The following PGLYRP2 variants were observed in gnomAD, a reference collection of about 807,000 sequenced individuals.
The protein encoded by PGLYRP2 is N-acetylmuramoyl-L-alanine amidase.
Under a neutral mutation model 46.2 loss-of-function variants are expected in PGLYRP2, and 38 were observed. The ratio of observed to expected loss-of-function variants is 0.82; its 90% confidence interval spans 0.64 to 1.08. The LOEUF (loss-of-function observed/expected upper bound fraction) is 1.08, where lower values mean the gene tolerates loss of function less well. PGLYRP2 is among the 50% of genes least tolerant of loss of function. PGLYRP2 has a pLI of 0.00. For synonymous variants in PGLYRP2, 289 were observed against 329.4 expected (o/e 0.88, Z 1.33); for missense variants, 713 against 755.9 (o/e 0.94, Z 0.67).
rs767383910 is a variant in PGLYRP2 at position 15,469,660 on chromosome 19, A to G, written c.1613T>C (p.Leu538Pro). The change falls in exon 4 of 5, where the codon CTG becomes CCG. Residue 538 changes from leucine to proline, a missense_variant. By Grantham distance (98) the Leu-to-Pro change is moderately conservative. Coordinates refer to ENST00000340880, the MANE Select transcript of PGLYRP2 (RefSeq NM_052890.4). The surrounding 1 kb of genome is among the most constrained non-coding windows in gnomAD (Gnocchi z 4.9). ...TDCPGDALFD[L>P]LRTWPHFTAT... ...GGTGAAGTGCGGCCAGGTGCGCAGC[A>G]GGTCGAAGAGCGCGTCGCCGGGGCA... 6 of 1,556,304 alleles carry G rather than the reference A, an allele frequency of 3.9e-6. No homozygotes were observed. The South Asian group carries it at 7.0e-5, about 18-fold the overall frequency.
chr19:15,476,764 T>A (rs1241666005), intron 1 of PGLYRP2, among the ~76,000 whole-genome samples, 156 bp from the exon 2 acceptor site: 1 of 144,680 alleles, frequency 6.9e-6, no homozygotes, highest in Non-Finnish European at 1.5e-5. Flanking sequence ...GTACACAGAC[T>A]ATTGCCTGTT....
At chr19:15,479,127 G>C (rs986446941) in intron 1 of PGLYRP2, among the ~76,000 whole-genome samples, 184 bp downstream of exon 1, 3 of 152,118 alleles carry the variant, frequency 2.0e-5, no homozygotes, top group Non-Finnish European at 4.4e-5. Context: ...CCAGGCCCCA[G>C]ATTCCTTCCC....
chr19:15,476,186 C>G lies in PGLYRP2; in HGVS notation c.484G>C (p.Ala162Pro). ...GDTFPDVVAI[A>P]PDVRATSSPG... Reference sequence around the variant, plus strand: ...GAGGAGGTGGCTCTTACATCTGGAGCAATGGCCACAACATCTGGAAAGGTA... The same window carrying G: ...GAGGAGGTGGCTCTTACATCTGGAGGAATGGCCACAACATCTGGAAAGGTA... Residue 162 changes from alanine (A) to proline (P), a missense_variant, in exon 2 of 5, where the codon GCT (alanine) becomes CCT (proline). Ala to Pro is a conservative substitution (Grantham distance 27, BLOSUM62 -1). Coordinates refer to ENST00000340880, the MANE Select transcript of PGLYRP2 (RefSeq NM_052890.4). 1.2e-6 allele frequency: 2 copies of G among 1,614,164 alleles called. No individual in the cohort carries two copies. The highest frequency in any genetic ancestry group is 1.7e-6 in the Non-Finnish European group (2 of 1,180,022).
chr19:15,477,347 T>G (rs1444480476), intron 1 of PGLYRP2, among the ~76,000 whole-genome samples: 1 of 131,118 alleles, frequency 7.6e-6, no homozygotes, highest in Non-Finnish European at 1.6e-5. Context: ...GAGCCGAGAT[T>G]GCGCCACTGC....
At chr19:15,478,286 G>T (rs1234870975) in intron 1 of PGLYRP2, among the ~76,000 whole-genome samples, 2 of 152,150 alleles carry the variant, frequency 1.3e-5, no homozygotes, top group African/African-American at 4.8e-5. Context: ...GGTGGAGGTT[G>T]CAGTGAGCTG....
rs1970791727 is a variant in PGLYRP2 at position 15,476,008 on chromosome 19, A to C, written c.662T>G (p.Val221Gly). 1 of 1,614,150 alleles carries C rather than the reference A, an allele frequency of 6.2e-7. No homozygotes were observed. ...PPTMVDSLLAVTLAGNLGLTF... is the reference protein window; with the variant it reads ...PPTMVDSLLAGTLAGNLGLTF... The stretch of plus-strand genomic sequence containing the variant: ...CAGGCCCAGGTTTCCAGCCAGGGTG[A>C]CTGCCAGGAGGCTGTCCACCATGGT... Residue 221 changes from valine to glycine, a missense_variant, in exon 2 of 5, where the codon GTC becomes GGC. Physicochemically the swap from Val to Gly is moderately radical, Grantham distance 109. Coordinates refer to ENST00000340880, the MANE Select transcript of PGLYRP2 (RefSeq NM_052890.4).
At chr19:15,474,815 G>A (rs1209487502) in intron 2 of PGLYRP2, among the ~76,000 whole-genome samples, 2 of 151,984 alleles carry the variant, frequency 1.3e-5, no homozygotes, top group Non-Finnish European at 2.9e-5. Flanking sequence ...ATGAAACTCC[G>A]TCTCTACTAA....
At position 15,476,462 on chromosome 19, in the gene PGLYRP2, G is replaced by A. The variant is rs1412469648; in HGVS notation, c.208C>T (p.Leu70=). The change falls in exon 2 of 5, where the codon CTG becomes TTG. Residue 70 remains leucine (L), a synonymous_variant. Coordinates refer to ENST00000340880, the MANE Select transcript of PGLYRP2 (RefSeq NM_052890.4). Reference sequence around the variant, plus strand: ...GCATTGAGGCTCCATGCCCCCAGCAGGAAGTGGTAGAGGCGATTGTGGGGG... The same window carrying A: ...GCATTGAGGCTCCATGCCCCCAGCAAGAAGTGGTAGAGGCGATTGTGGGGG... ...SGPHNRLYHF[L]LGAWSLNATE... The A allele has an allele frequency of 2.7e-5, 44 of 1,614,086 alleles. No homozygotes were observed. The Admixed American group carries it at 6.3e-4, about 23-fold the overall frequency.
At position 15,469,778 on chromosome 19, in the gene PGLYRP2, C is replaced by A; in HGVS notation, c.1495G>T (p.Val499Leu). The A allele has an allele frequency of 2.0e-6, 3 of 1,511,170 alleles. No homozygotes were observed. The highest frequency in any genetic ancestry group is 2.6e-6 in the Non-Finnish European group (3 of 1,138,316). The allele number at this position is 1,511,170 out of a possible 1,614,324, so 93.6% of individuals were successfully genotyped here. A position where few individuals can be genotyped will look rare whatever the true frequency, so the allele number is the denominator to read the frequency against. Reference protein sequence around the residue: ...ALPTEAALRTVRDTLPSCAVR... With the variant: ...ALPTEAALRTLRDTLPSCAVR... ...GCACAACTCGGGAGCGTGTCGCGCA[C>A]CGTGCGCAGAGCGGCCTCGGTGGGC... The change falls in exon 4 of 5, where the codon GTG becomes TTG. Residue 499 changes from valine (V) to leucine (L), a missense_variant. By Grantham distance (32) the Val-to-Leu change is conservative. Coordinates refer to ENST00000340880, the MANE Select transcript of PGLYRP2 (RefSeq NM_052890.4). This position sits in a 1 kb window ranked among gnomAD's most constrained non-coding sequence, Gnocchi z 4.9.
At chr19:15,471,546 C>T (rs1321804501) in intron 3 of PGLYRP2, among the ~76,000 whole-genome samples, 3 of 152,038 alleles carry the variant, frequency 2.0e-5, no homozygotes, top group Admixed American at 6.6e-5. Context: ...AGATTACAGG[C>T]GGGAGCCACC....
At position 15,476,483 on chromosome 19, in the gene PGLYRP2, G is replaced by T; in HGVS notation, c.187C>A (p.His63Asn). Residue 63 changes from histidine to asparagine, a missense_variant, in exon 2 of 5, where the codon CAC (histidine) becomes AAC (asparagine). His to Asn is a moderately conservative substitution (Grantham distance 68). Coordinates refer to ENST00000340880, the MANE Select transcript of PGLYRP2 (RefSeq NM_052890.4). ...WLMSAPNSGP[H>N]NRLYHFLLGA... ...AGCAGGAAGTGGTAGAGGCGATTGT[G>T]GGGGCCAGAGTTTGGAGCTGACATC... The T allele has an allele frequency of 1.2e-6, 2 of 1,614,160 alleles. No individual in the cohort carries two copies. Among genetic ancestry groups the T allele is most frequent in the Non-Finnish European group, 1.7e-6 (2 of 1,180,034 alleles).
intron 2 of PGLYRP2, 74 bp downstream of exon 2, chr19:15,475,464 T>G: frequency 7.1e-7 from 1 of 1,414,246 alleles, no homozygotes; most frequent in Non-Finnish European, 9.6e-7. Context: ...AGTCCTCAAC[T>G]TCCCTGAATA....
At position 15,475,526 on chromosome 19, in the gene PGLYRP2, G is replaced by A. The variant is rs1970785279; in HGVS notation, c.1132+12C>T. ...AATGGGAAGGATCACAGGGTGTGGG[G>A]AACTTCCTCACCCAGGAAGGCCTCA... On this transcript the variant is annotated intron_variant, in intron 2 of 4. Coordinates refer to ENST00000340880, the MANE Select transcript of PGLYRP2 (RefSeq NM_052890.4). The A allele has an allele frequency of 1.3e-6, 2 of 1,570,218 alleles. No individual in the cohort carries two copies. Among genetic ancestry groups the A allele is most frequent in the Non-Finnish European group, 8.7e-7 (1 of 1,155,910 alleles).
In PGLYRP2 at chr19:15,469,265, G is replaced by A. The variant is rs533736633; in HGVS notation, c.1641+367C>T. 6.0e-5 allele frequency: 36 copies of A among 604,972 alleles called. No homozygotes were observed. In the Middle Eastern group the frequency reaches 2.6e-3, roughly 44 times the overall value. 37.5% of individuals were successfully genotyped at this position (604,972 alleles called of 1,614,324 possible). A position where few individuals can be genotyped will look rare whatever the true frequency, so the allele number is the denominator to read the frequency against. On this transcript the variant is annotated intron_variant, in intron 4 of 4. Coordinates refer to ENST00000340880, the MANE Select transcript of PGLYRP2 (RefSeq NM_052890.4). The surrounding 1 kb of genome is among the most constrained non-coding windows in gnomAD (Gnocchi z 4.9). ...ATGAGGTGGTGCAGCCTGACAGGTT[G>A]TGACTTGGGTAGAGAAGTCATGAAG...
At position 15,476,149 on chromosome 19, in the gene PGLYRP2, C is replaced by T. The variant is rs780517360; in HGVS notation, c.521G>A (p.Arg174Lys). ...AGTGGTGACATCTGGAGAGCCATCC[C>T]TGAGTCCTGGGGAGGAGGTGGCTCT... ...DVRATSSPGL[R>K]DGSPDVTTAD... Residue 174 changes from arginine (R) to lysine (K), a missense_variant, in exon 2 of 5, where the codon AGG becomes AAG. Transcript: ENST00000340880. 1.2e-6 allele frequency: 2 copies of T among 1,614,210 alleles called. No homozygotes were observed. Among genetic ancestry groups the T allele is most frequent in the Admixed American group, 1.7e-5 (1 of 60,006 alleles).
Position 15,469,037 on chromosome 19 carries a change from A to AT in PGLYRP2, c.1642-286dup. The stretch of plus-strand genomic sequence containing the variant: ...GTCATCAGGTCAAAGTTGTGCTGGC[A>AT]TAAGAGTTGTCATCAGGGGTTAAGG... On this transcript the variant is annotated intron_variant, in intron 4 of 4. Coordinates refer to ENST00000340880, the MANE Select transcript of PGLYRP2 (RefSeq NM_052890.4). The surrounding 1 kb of genome is among the most constrained non-coding windows in gnomAD (Gnocchi z 4.9). The AT allele has an allele frequency of 2.0e-6, 1 of 512,070 alleles. No homozygotes were observed. Among genetic ancestry groups the AT allele is most frequent in the Non-Finnish European group, 3.5e-6 (1 of 287,086 alleles). 31.7% of individuals were successfully genotyped at this position (512,070 alleles called of 1,614,324 possible).
At position 15,469,806 on chromosome 19, in the gene PGLYRP2, C is replaced by T. The variant is rs1386319978; in HGVS notation, c.1467G>A (p.Ala489=). ...GVAIVGNYTA[A]LPTEAALRTV... is the part of the protein sequence containing the mutation. ...TGCGCAGAGCGGCCTCGGTGGGCAGCGCCGCGGTGTAGTTGCCCACTATGG... is the reference window on the plus strand; with the variant it reads ...TGCGCAGAGCGGCCTCGGTGGGCAGTGCCGCGGTGTAGTTGCCCACTATGG... Residue 489 remains alanine, a synonymous_variant, in exon 4 of 5, where the codon GCG becomes GCA. Coordinates refer to ENST00000340880, the MANE Select transcript of PGLYRP2 (RefSeq NM_052890.4). This position sits in a 1 kb window ranked among gnomAD's most constrained non-coding sequence, Gnocchi z 4.9. The T allele has an allele frequency of 1.3e-6, 2 of 1,518,696 alleles. No homozygotes were observed. Among genetic ancestry groups the T allele is most frequent in the Non-Finnish European group, 1.8e-6 (2 of 1,142,778 alleles). The allele number at this position is 1,518,696 out of a possible 1,614,324, so 94.1% of individuals were successfully genotyped here.
chr19:15,468,789 G>C, intron 4 of PGLYRP2, 37 bp from the exon 5 acceptor site: 1 of 1,544,436 alleles, frequency 6.5e-7, no homozygotes, highest in South Asian at 1.2e-5. Flanking sequence ...CTTGGGGGTG[G>C]TTGTGGTATG....
intron 2 of PGLYRP2, among the ~76,000 whole-genome samples, chr19:15,474,059 C>T (rs551042757): frequency 4.6e-5 from 7 of 152,088 alleles, no homozygotes; most frequent in South Asian, 4.2e-4. Flanking sequence ...ACAGAAAAGC[C>T]GGGTGATGGC....
Sources: gnomAD v4.1 joint callset for allele counts (sites outside exome capture counted in the v4.1 genomes callset) on GRCh38, gnomAD v4.1.1 for gene constraint, Gnocchi (gnomAD v3.1) non-coding constraint, MANE v1.5 for transcripts, NCBI Gene and HGNC (gene_info 2026-07-23, HGNC 2026-07-21) for gene names.